The following PSD3 variants were observed in gnomAD, a reference collection of about 807,000 sequenced individuals.
PSD3 encodes the protein PH and SEC7 domain-containing protein 3.
PSD3 carries 49 observed loss-of-function variants against 105.5 expected under a neutral mutation model. The ratio of observed to expected loss-of-function variants is 0.46; its 90% CI spans 0.37 to 0.59. The LOEUF (loss-of-function observed/expected upper bound fraction) is 0.59, where lower values mean the gene tolerates loss of function less well. PSD3 is among the 20% of genes least tolerant of loss of function. The pLI is 0.00. For missense variants in PSD3, 1,561 were observed against 1,263.8 expected (o/e 1.24, Z -3.57); for synonymous variants, 557 against 457.8 (o/e 1.22, Z -2.77).
At chr8:18,588,818 T>C (rs773322308) in intron 12 of PSD3, among the ~76,000 whole-genome samples, 1 of 152,134 alleles carries the variant, frequency 6.6e-6, no homozygotes, top group Non-Finnish European at 1.5e-5. Context: ...GAGAGGACAG[T>C]GATGTAGGAA....
chr8:18,901,481 A>G (rs1285860105), intron 2 of PSD3, among the ~76,000 whole-genome samples: 3 of 152,116 alleles, frequency 2.0e-5, no homozygotes, highest in African/African-American at 7.2e-5. Flanking sequence ...TTGTTTTTGA[A>G]GTTGTTTGTA....
intron 1 of PSD3, among the ~76,000 whole-genome samples, chr8:18,971,381 G>C (rs1023475967): frequency 6.6e-6 from 1 of 152,130 alleles, no homozygotes; most frequent in South Asian, 2.1e-4. Context: ...CCTCCCATGC[G>C]CCTGGGCTCT....
chr8:18,631,192 T>C (rs1806869697), intron 11 of PSD3, among the ~76,000 whole-genome samples: 1 of 151,978 alleles, frequency 6.6e-6, no homozygotes, highest in Admixed American at 6.6e-5. Context: ...AAAACTGCAA[T>C]GTTTGGCAAA....
chr8:18,865,270 ATATATATATATATATATTTTTTTTTTT>A (rs1816818814), intron 4 of PSD3: 1 of 2,336 alleles, frequency 4.3e-4, no homozygotes, highest in African/African-American at 1.7e-3. Flanking sequence ...ATATATATAT[ATATATATATATATATATTTTTTTTTTT>A]TTTTTTTTTT....
chr8:18,801,228 C>A, intron 7 of PSD3, 42 bp downstream of exon 7: 1 of 1,227,464 alleles, frequency 8.1e-7, no homozygotes, highest in Non-Finnish European at 1.2e-6. Context: ...GGAAAATAAC[C>A]ATTGATATAA....
chr8:18,770,003 G>A (rs1011632236), intron 8 of PSD3, among the ~76,000 whole-genome samples: 2 of 152,092 alleles, frequency 1.3e-5, no homozygotes, highest in African/African-American at 2.4e-5. Context: ...TTTAGGAGTG[G>A]GATTATTGAG....
intron 2 of PSD3, among the ~76,000 whole-genome samples, chr8:18,912,298 G>T (rs1258927377): frequency 1.3e-5 from 2 of 152,172 alleles, no homozygotes; most frequent in Non-Finnish European, 2.9e-5. Context: ...AAACAAATCT[G>T]AAGGAAATCT....
intron 10 of PSD3, among the ~76,000 whole-genome samples, chr8:18,635,792 C>A (rs1268401460): frequency 6.6e-6 from 1 of 151,740 alleles, no homozygotes; most frequent in African/African-American, 2.4e-5. Flanking sequence ...GAATAGAAAA[C>A]CAAACACCAC....
chr8:18,743,774 TAAAA>T (rs59579746), intron 9 of PSD3, among the ~76,000 whole-genome samples: 1 of 142,060 alleles, frequency 7.0e-6, no homozygotes, highest in Non-Finnish European at 1.5e-5. Context: ...CTGTCTCTAT[TAAAA>T]AAAAAAAAAA....
intron 9 of PSD3, among the ~76,000 whole-genome samples, chr8:18,738,564 C>T (rs1195055563): frequency 6.6e-6 from 1 of 152,170 alleles, no homozygotes; most frequent in Non-Finnish European, 1.5e-5. Context: ...ATACACATCA[C>T]ATGTTAAATT....
intron 10 of PSD3, among the ~76,000 whole-genome samples, chr8:18,636,351 T>C (rs1807255663): frequency 6.6e-6 from 1 of 152,232 alleles, no homozygotes; most frequent in Non-Finnish European, 1.5e-5. Flanking sequence ...AAGGATATAA[T>C]GTTTTTGTAC....
chr8:18,901,192 T>C (rs1345879992), intron 2 of PSD3, among the ~76,000 whole-genome samples: 3 of 152,230 alleles, frequency 2.0e-5, no homozygotes, highest in South Asian at 2.1e-4. Context: ...CTAGTCTACA[T>C]GGTTTGTCTG....
intron 9 of PSD3, among the ~76,000 whole-genome samples, chr8:18,754,804 A>T (rs1044581444): frequency 6.6e-6 from 1 of 152,156 alleles, no homozygotes; most frequent in South Asian, 2.1e-4. Context: ...GCATTACTAT[A>T]ACAACACACT....
chr8:18,715,742 C>T (rs1196792220), intron 9 of PSD3, among the ~76,000 whole-genome samples: 2 of 152,206 alleles, frequency 1.3e-5, no homozygotes, highest in Admixed American at 1.3e-4. Flanking sequence ...ACTAATAATA[C>T]TGCTCATTTC....
intron 2 of PSD3, among the ~76,000 whole-genome samples, chr8:18,920,970 T>C (rs1411284574): frequency 6.6e-6 from 1 of 152,230 alleles, no homozygotes; most frequent in Non-Finnish European, 1.5e-5. Context: ...TGATTCTACC[T>C]ATACTTATAA....
chr8:18,813,166 T>C (rs972114647), intron 4 of PSD3, among the ~76,000 whole-genome samples: 2 of 152,070 alleles, frequency 1.3e-5, no homozygotes, highest in Admixed American at 6.5e-5. Context: ...CATGGAGCTA[T>C]GTTCAAGGGT....
chr8:18,746,547 G>A (rs1027059), intron 9 of PSD3, among the ~76,000 whole-genome samples: 131,965 of 152,226 alleles, frequency 0.87, 57,794 homozygotes, highest in Non-Finnish European at 0.93. Context: ...CCCACCTTGC[G>A]AAGTGACCAA....
intron 11 of PSD3, among the ~76,000 whole-genome samples, chr8:18,610,021 A>G (rs377512306): frequency 7.4e-4 from 112 of 152,356 alleles, no homozygotes; most frequent in African/African-American, 2.5e-3. Flanking sequence ...CTAAAACAGT[A>G]CTATTACTAC....
chr8:18,543,083 G>A (rs1055236143), intron 15 of PSD3, among the ~76,000 whole-genome samples: 3 of 152,102 alleles, frequency 2.0e-5, no homozygotes, highest in Non-Finnish European at 4.4e-5. Context: ...CTGCTGACAA[G>A]AATCTACATA....
Sources: allele counts gnomAD v4.1 joint callset (sites outside exome capture counted in the v4.1 genomes callset), GRCh38; gene constraint gnomAD v4.1.1; transcripts MANE v1.5; gene names NCBI Gene and HGNC (gene_info 2026-07-23, HGNC 2026-07-21).